The following ABR variants were observed in gnomAD, a reference collection of about 807,000 sequenced individuals.
ABR encodes the protein active breakpoint cluster region-related protein.
In ABR, 35 loss-of-function variants were observed where a neutral mutation model predicts 107.2. The ratio of observed to expected loss-of-function variants is 0.33; its 90% CI spans 0.25 to 0.43. The LOEUF (loss-of-function observed/expected upper bound fraction) is 0.43. ABR is among the 20% of genes least tolerant of loss of function. ABR has a pLI of 1.00. For synonymous variants in ABR, 498 were observed against 462.0 expected (o/e 1.08, Z -1.00); for missense variants, 815 against 1,115.2 (o/e 0.73, Z 3.83).
At position 1,010,928 on chromosome 17, in the gene ABR, C is replaced by G; in HGVS notation, c.2102-65G>C. On this transcript the variant is annotated intron_variant, in intron 19 of 22. Coordinates refer to ENST00000302538, the MANE Select transcript of ABR (RefSeq NM_021962.5). The surrounding 1 kb of genome is among the most constrained non-coding windows in gnomAD (Gnocchi z 4.1). ...CCAGCAGCCCCGTTCCACCCCCGAC[C>G]CATCCTGACACAGCCCCCACCCACT... 6.3e-7 allele frequency: 1 copy of G among 1,595,782 alleles called. No individual in the cohort carries two copies. The highest frequency in any genetic ancestry group is 1.1e-5 in the South Asian group (1 of 89,512).
At position 1,083,839 on chromosome 17, in the gene ABR, T is replaced by C. The variant is rs1310121256; in HGVS notation, c.532-212A>G. 3 of 548,850 alleles carry C rather than the reference T, an allele frequency of 5.5e-6. No homozygotes were observed. In the African/African-American group the frequency reaches 5.7e-5, roughly 10 times the overall value. 34.0% of individuals were successfully genotyped at this position (548,850 alleles called of 1,614,324 possible). On this transcript the variant is annotated intron_variant, in intron 4 of 22. Transcript: ENST00000302538. ...ATGGAAACCAGCTCAGCCAATAAGG[T>C]TAATGAGGGGGTCTGGGGTTGGGGA...
At chr17:1,079,788 C>CAAAAAAAAAAAAAAAAAAAAAAAAAA (rs57412625) in intron 5 of ABR, among the ~76,000 whole-genome samples, 4 of 55,112 alleles carry the variant, frequency 7.3e-5, no homozygotes, top group African/African-American at 1.1e-4. Context: ...GACTCTGTCT[C>CAAAAAAAAAAAAAAAAAAAAAAAAAA]AAAAAAAAAA....
chr17:1,028,052 T>C (rs2072358068), intron 16 of ABR, among the ~76,000 whole-genome samples: 1 of 151,974 alleles, frequency 6.6e-6, no homozygotes, highest in Non-Finnish European at 1.5e-5. Flanking sequence ...GGGGTGGGGT[T>C]GTCCTGCGGT....
chr17:1,172,168 C>T (rs1055633795), intron 1 of ABR, among the ~76,000 whole-genome samples: 4 of 152,208 alleles, frequency 2.6e-5, no homozygotes, highest in Admixed American at 6.5e-5. Context: ...GGTCTCGACC[C>T]GGGGACAGAG....
rs565934330 is a variant in ABR, at chr17:1,076,722, GTGGGGGT to G, written c.700+2601_700+2607del. Among the ~76,000 whole-genome samples the G allele has an allele frequency of 2.6e-3, 318 of 121,916 alleles. 5 individuals are homozygous for G. The highest frequency in any genetic ancestry group is 0.012 in the East Asian group (42 of 3,488). The allele number at this position is 121,916 out of a possible 152,430, so 80.0% of individuals were successfully genotyped here. ...CCAGGAGGGCAGGTGCACGGGGGGG[GTGGGGGT>G]GGGGGGGGTGGCGGCACTGGGACCA... On this transcript the variant is annotated intron_variant, in intron 6 of 22. Transcript: ENST00000302538.
Position 1,109,919 on chromosome 17 carries a change from C to T in ABR, c.247-9184G>A, listed in dbSNP as rs183156235. Reference sequence around the variant, plus strand: ...GCTACTGACACCAGCACCCCCACCTCCTCTGAGCAGCCCCCCCACTCACAG... The same window carrying T: ...GCTACTGACACCAGCACCCCCACCTTCTCTGAGCAGCCCCCCCACTCACAG... On this transcript the variant is annotated intron_variant, in intron 2 of 22. Coordinates refer to ENST00000302538, the MANE Select transcript of ABR (RefSeq NM_021962.5). Among the ~76,000 whole-genome samples, 849 of 121,452 alleles carry T rather than the reference C, an allele frequency of 7.0e-3. 6 individuals carry two copies. Among genetic ancestry groups the T allele is most frequent in the Middle Eastern group, 0.038 (9 of 238 alleles). 79.7% of individuals were successfully genotyped at this position (121,452 alleles called of 152,430 possible).
intron 1 of ABR, among the ~76,000 whole-genome samples, chr17:1,128,676 C>T (rs530967796): frequency 6.6e-6 from 1 of 152,302 alleles, no homozygotes; most frequent in East Asian, 1.9e-4. Flanking sequence ...CCATCCTGAA[C>T]CATGAGGTGA....
intron 2 of ABR, among the ~76,000 whole-genome samples, chr17:1,102,983 T>C (rs1021765846): frequency 7.2e-5 from 11 of 152,320 alleles, no homozygotes; most frequent in African/African-American, 2.6e-4. Context: ...GTGCTGGGAT[T>C]ACAGGTGTGA....
intron 16 of ABR, among the ~76,000 whole-genome samples, chr17:1,043,125 C>G (rs564666215): frequency 1.3e-5 from 2 of 152,322 alleles, no homozygotes; most frequent in South Asian, 4.1e-4. Context: ...CTGGCAACGG[C>G]TGCACAGCAC....
rs558799940 is a variant in ABR, at chr17:1,084,238, A to G, written c.532-611T>C. 2.8e-4 allele frequency among the ~76,000 whole-genome samples: 43 copies of G among 152,324 alleles called. No individual in the cohort carries two copies. Among genetic ancestry groups the G allele is most frequent in the African/African-American group, 1.0e-3 (43 of 41,586 alleles). On this transcript the variant is annotated intron_variant, in intron 4 of 22. Transcript: ENST00000302538. This position sits in a 1 kb window ranked among gnomAD's most constrained non-coding sequence, Gnocchi z 4.2. ...CTAAAAATACAAAAATTAGCTGGGC[A>G]TGGTGGCGCGTGCCTGTAATCCCAG...
chr17:1,018,113 G>GTCAA (rs2071312471), intron 16 of ABR, among the ~76,000 whole-genome samples: 2 of 151,946 alleles, frequency 1.3e-5, no homozygotes, highest in Admixed American at 1.3e-4. Context: ...CGCGATCCTG[G>GTCAA]CTCACTGCAA....
chr17:1,199,375 C>T (rs1219881704), intron 1 of ABR, among the ~76,000 whole-genome samples: 9 of 150,966 alleles, frequency 6.0e-5, no homozygotes. Context: ...ACGGAAGGTA[C>T]AAAACATACA....
chr17:1,069,659 A>G (rs1315863943), intron 9 of ABR, among the ~76,000 whole-genome samples: 1 of 152,104 alleles, frequency 6.6e-6, no homozygotes, highest in Non-Finnish European at 1.5e-5. Flanking sequence ...GCAACAGAGC[A>G]AGACCCTGTC....
intron 16 of ABR, among the ~76,000 whole-genome samples, chr17:1,049,539 A>G (rs961508434): frequency 1.3e-5 from 2 of 152,044 alleles, no homozygotes; most frequent in Admixed American, 6.6e-5. Context: ...CAGACTCCCA[A>G]CGCAGCTGAG....
At chr17:1,030,170 CT>C (rs1338083683) in intron 16 of ABR, among the ~76,000 whole-genome samples, 3 of 152,358 alleles carry the variant, frequency 2.0e-5, no homozygotes, top group Middle Eastern at 3.4e-3. Flanking sequence ...CTTGAAGGGG[CT>C]TCTCAGTTCT....
At chr17:1,076,455 G>C (rs921804310) in intron 6 of ABR, among the ~76,000 whole-genome samples, 3 of 152,092 alleles carry the variant, frequency 2.0e-5, no homozygotes, top group African/African-American at 7.2e-5. Context: ...AGACCCAAAA[G>C]AAAGCACAAG....
Position 1,061,325 on chromosome 17 carries a change from C to A in ABR, c.1183-2458G>T, listed in dbSNP as rs555059281. 9.2e-5 allele frequency among the ~76,000 whole-genome samples: 14 copies of A among 152,300 alleles called. No individual in the cohort carries two copies. The South Asian group carries it at 2.7e-3, about 29-fold the overall frequency. On this transcript the variant is annotated intron_variant, in intron 10 of 22. Transcript: ENST00000302538. Reference sequence around the variant, plus strand: ...CTGGGCGGGCACTGTGGGCAGGGCCCAGCCGTTCAGGAGGGGGACAGCTGT... The same window carrying A: ...CTGGGCGGGCACTGTGGGCAGGGCCAAGCCGTTCAGGAGGGGGACAGCTGT...
chr17:1,146,108 G>A (rs561608661), intron 1 of ABR, among the ~76,000 whole-genome samples: 2 of 152,330 alleles, frequency 1.3e-5, no homozygotes, highest in East Asian at 3.9e-4. Context: ...AGGAGGGCAG[G>A]TAAGAGGACG....
At chr17:1,018,440 C>T (rs2071373119) in intron 16 of ABR, among the ~76,000 whole-genome samples, 1 of 152,224 alleles carries the variant, frequency 6.6e-6, no homozygotes, top group Admixed American at 6.5e-5. Context: ...GGTCTCTCCA[C>T]ACATCAGCAT....
Sources: gnomAD v4.1 joint callset for allele counts (sites outside exome capture counted in the v4.1 genomes callset) on GRCh38, gnomAD v4.1.1 for gene constraint, Gnocchi (gnomAD v3.1) non-coding constraint, MANE v1.5 for transcripts, NCBI Gene and HGNC (gene_info 2026-07-23, HGNC 2026-07-21) for gene names.